The following CCSER1 variants were observed in gnomAD, a reference collection of about 807,000 sequenced individuals.
CCSER1 encodes coiled-coil serine rich protein 1, also known as serine-rich coiled-coil domain-containing protein 1.
Under a neutral mutation model 82.0 loss-of-function variants are expected in CCSER1, and 41 were observed. The ratio of observed to expected loss-of-function variants is 0.50; its 90% CI spans 0.39 to 0.65. CCSER1 has a LOEUF of 0.65. CCSER1 is among the 30% of genes least tolerant of loss of function. The pLI is 0.00. For missense variants in CCSER1, 1,119 were observed against 1,064.2 expected (o/e 1.05, Z -0.72); for synonymous variants, 414 against 383.9 (o/e 1.08, Z -0.92).
At chr4:90,278,396 A>G (rs1390731780) in intron 1 of CCSER1, among the ~76,000 whole-genome samples, 1 of 150,442 alleles carries the variant, frequency 6.6e-6, no homozygotes, top group Non-Finnish European at 1.5e-5. Flanking sequence ...ACGCAATGCT[A>G]TTCATAATAC....
chr4:90,130,484 T>C (rs1722631318), intron 1 of CCSER1, among the ~76,000 whole-genome samples: 1 of 152,170 alleles, frequency 6.6e-6, no homozygotes, highest in African/African-American at 2.4e-5. Context: ...AGGTATAAGA[T>C]GCAAGTCTCC....
At chr4:90,917,192 G>A (rs1233889183) in intron 8 of CCSER1, among the ~76,000 whole-genome samples, 1 of 152,194 alleles carries the variant, frequency 6.6e-6, no homozygotes, top group Non-Finnish European at 1.5e-5. Flanking sequence ...TATAAATCAT[G>A]CTGCTATAAA....
intron 10 of CCSER1, among the ~76,000 whole-genome samples, chr4:91,383,872 G>A (rs913364315): frequency 6.6e-6 from 1 of 152,136 alleles, no homozygotes. Context: ...GTTGCATAAA[G>A]TGTTTTCACT....
chr4:90,622,965 G>T (rs1245830806), intron 5 of CCSER1, among the ~76,000 whole-genome samples: 1 of 151,480 alleles, frequency 6.6e-6, no homozygotes, highest in African/African-American at 2.4e-5. Flanking sequence ...CATTCTAACT[G>T]GTGTGAGATG....
intron 8 of CCSER1, among the ~76,000 whole-genome samples, chr4:90,884,978 T>G (rs1008973340): frequency 6.6e-6 from 1 of 152,148 alleles, no homozygotes; most frequent in Non-Finnish European, 1.5e-5. Context: ...TTAAATTCAA[T>G]TACAATAGAG....
rs1395803075 is a variant in CCSER1 at position 90,155,744 on chromosome 4, T to C, written c.-42+27913T>C. On this transcript the variant is annotated intron_variant, in intron 1 of 10. Coordinates refer to ENST00000509176, the MANE Select transcript of CCSER1 (RefSeq NM_001145065.2). The stretch of plus-strand genomic sequence containing the variant: ...TCCCCTTTATCATTTTTTATTGCGT[T>C]TATTTGATTCTTCTCTTTTTTCTTC... Among the ~76,000 whole-genome samples the C allele has an allele frequency of 5.3e-5, 8 of 152,120 alleles. 1 individual carries two copies. Among genetic ancestry groups the C allele is most frequent in the South Asian group, 4.1e-4 (2 of 4,822 alleles).
chr4:91,379,012 G>A (rs1434636056), intron 10 of CCSER1, among the ~76,000 whole-genome samples: 1 of 152,170 alleles, frequency 6.6e-6, no homozygotes, highest in Non-Finnish European at 1.5e-5. Flanking sequence ...AGATAATCAA[G>A]TGGTTTTTGT....
intron 3 of CCSER1, among the ~76,000 whole-genome samples, chr4:90,339,463 A>G (rs191695718): frequency 2.6e-5 from 4 of 152,000 alleles, no homozygotes; most frequent in Admixed American, 1.3e-4. Flanking sequence ...GCTTCCCACT[A>G]TGGCCTGCAT....
chr4:90,902,786 G>T (rs6830366), intron 8 of CCSER1, among the ~76,000 whole-genome samples: 62,245 of 151,816 alleles, frequency 0.41, 13,290 homozygotes, highest in Non-Finnish European at 0.48. Context: ...AGTAACATCT[G>T]TCTTGCCCTC....
chr4:90,771,522 C>G (rs1254711437), intron 7 of CCSER1, among the ~76,000 whole-genome samples: 2 of 144,604 alleles, frequency 1.4e-5, no homozygotes, highest in East Asian at 2.0e-4. Flanking sequence ...CGTTAAAACC[C>G]TTTTACCAAA....
intron 7 of CCSER1, among the ~76,000 whole-genome samples, chr4:90,792,709 A>G (rs184672061): frequency 6.6e-6 from 1 of 152,256 alleles, no homozygotes; most frequent in Non-Finnish European, 1.5e-5. Flanking sequence ...AATAGGTTGC[A>G]CGTCGGGGCA....
At chr4:90,476,044 G>GTT (rs1232830836) in intron 5 of CCSER1, among the ~76,000 whole-genome samples, 1 of 146,120 alleles carries the variant, frequency 6.8e-6, no homozygotes, top group Non-Finnish European at 1.5e-5. Context: ...GTGTGTGTGT[G>GTT]TATGTGTGTG....
chr4:91,045,398 G>A (rs2150587574), intron 9 of CCSER1, among the ~76,000 whole-genome samples: 1 of 152,190 alleles, frequency 6.6e-6, no homozygotes, highest in Non-Finnish European at 1.5e-5. Context: ...TATTTTTGTA[G>A]ATTTTATGCA....
chr4:90,668,318 G>A (rs930339274), intron 6 of CCSER1, among the ~76,000 whole-genome samples: 1 of 152,138 alleles, frequency 6.6e-6, no homozygotes, highest in Non-Finnish European at 1.5e-5. Flanking sequence ...TTTTCTAGCT[G>A]TCTCCTCCAA....
chr4:90,955,918 C>G (rs1389854884), intron 9 of CCSER1, among the ~76,000 whole-genome samples: 1 of 152,124 alleles, frequency 6.6e-6, no homozygotes, highest in Non-Finnish European at 1.5e-5. Context: ...AATAGATACT[C>G]TCTCCCACAT....
intron 9 of CCSER1, among the ~76,000 whole-genome samples, chr4:90,972,350 C>T (rs1425775186): frequency 6.6e-6 from 1 of 151,566 alleles, no homozygotes; most frequent in Non-Finnish European, 1.5e-5. Flanking sequence ...TTGTTGTACA[C>T]CTTAAGTTTA....
intron 10 of CCSER1, among the ~76,000 whole-genome samples, chr4:91,501,497 A>C (rs1336218751): frequency 6.6e-6 from 1 of 152,046 alleles, no homozygotes; most frequent in East Asian, 1.9e-4. Context: ...GAGTTACATA[A>C]TCCATTCATA....
chr4:90,962,129 A>G (rs1734109012), intron 9 of CCSER1, among the ~76,000 whole-genome samples: 1 of 152,090 alleles, frequency 6.6e-6, no homozygotes, highest in Admixed American at 6.6e-5. Context: ...CTTGTCTATG[A>G]TAATACATGT....
At chr4:90,653,858 A>G (rs190458904) in intron 6 of CCSER1, among the ~76,000 whole-genome samples, 66 of 152,290 alleles carry the variant, frequency 4.3e-4, no homozygotes, top group African/African-American at 1.5e-3. Context: ...GTAATTTATG[A>G]AGAAAAGATA....
Sources: gnomAD v4.1 joint callset for allele counts (sites outside exome capture counted in the v4.1 genomes callset) on GRCh38, gnomAD v4.1.1 for gene constraint, MANE v1.5 for transcripts, NCBI Gene and HGNC (gene_info 2026-07-23, HGNC 2026-07-21) for gene names.